Variants in CRLS1 observed in about 807,000 individuals in gnomAD.
CRLS1 encodes cardiolipin synthase (CMP-forming).
Under a neutral mutation model 37.0 loss-of-function variants are expected in CRLS1, and 24 were observed. The observed-to-expected ratio is 0.65, with a 90% confidence interval of 0.47 to 0.91. The LOEUF (loss-of-function observed/expected upper bound fraction) is 0.91, where lower values mean the gene tolerates loss of function less well. Ranked by LOEUF, CRLS1 falls within the 40% of genes least tolerant of loss-of-function variation. The pLI, the probability that CRLS1 is intolerant of heterozygous loss-of-function variation, is 0.00. For missense variants in CRLS1, 373 were observed against 395.8 expected (o/e 0.94, Z 0.49); for synonymous variants, 135 against 159.7 (o/e 0.85, Z 1.17).
intron 3 of CRLS1, 127 bp downstream of exon 3, chr20:6,015,617 C>G: frequency 1.1e-6 from 1 of 930,198 alleles, no homozygotes; most frequent in African/African-American, 1.6e-5. Flanking sequence ...AACTGTTTCC[C>G]TAATTTTAAA....
At chr20:6,019,983 TAA>T (rs139489915) in intron 3 of CRLS1, among the ~76,000 whole-genome samples, 2,358 of 152,224 alleles carry the variant, frequency 0.015, 60 homozygotes, top group African/African-American at 0.054. Flanking sequence ...TGCCTGGCTC[TAA>T]ATTCTTTAGA....
At chr20:6,009,415 A>G (rs1197487484) in intron 1 of CRLS1, among the ~76,000 whole-genome samples, 7 of 151,768 alleles carry the variant, frequency 4.6e-5, no homozygotes, top group African/African-American at 1.2e-4. Flanking sequence ...CATCTTTTGT[A>G]TTCTTTTTTT....
rs937662586 is a variant in CRLS1 at position 6,039,660 on chromosome 20, G to A, written c.*2502G>A. On this transcript the variant is annotated 3_prime_UTR_variant, in exon 7 of 7. Transcript: ENST00000378863. ...AGTACTGTACATGTGACCTTATTTG[G>A]AAATAGGGTCTTTTTAGATGCAGTC... is the stretch of plus-strand genomic sequence containing the variant. 1.3e-5 allele frequency: 2 copies of A among 151,750 alleles called. No individual in the cohort carries two copies. The highest frequency in any genetic ancestry group is 4.8e-5 in the African/African-American group (2 of 41,266). 9.4% of individuals were successfully genotyped at this position (151,750 alleles called of 1,614,324 possible).
chr20:6,011,844 C>T (rs1340502498), intron 2 of CRLS1, among the ~76,000 whole-genome samples: 1 of 151,688 alleles, frequency 6.6e-6, no homozygotes, highest in Non-Finnish European at 1.5e-5. Flanking sequence ...CCTCGGCCTC[C>T]CTCGGCCTGG....
At chr20:6,008,660 T>C (rs2090091974) in intron 1 of CRLS1, among the ~76,000 whole-genome samples, 1 of 152,246 alleles carries the variant, frequency 6.6e-6, no homozygotes, top group Non-Finnish European at 1.5e-5. Context: ...CAATCCCTAT[T>C]CCTATCTCCA....
chr20:6,035,323 A>T (rs1251242664), intron 6 of CRLS1, among the ~76,000 whole-genome samples: 3 of 152,036 alleles, frequency 2.0e-5, no homozygotes, highest in Non-Finnish European at 4.4e-5. Flanking sequence ...GTGTAGGTCC[A>T]TCAGTGGGAG....
At position 6,035,284 on chromosome 20, in the gene CRLS1, C is replaced by T. The variant is rs1600393532; in HGVS notation, c.821+729C>T. 3.3e-5 allele frequency among the ~76,000 whole-genome samples: 5 copies of T among 152,136 alleles called. No individual in the cohort carries two copies. The South Asian group carries it at 1.0e-3, about 32-fold the overall frequency. ...TACATTTATCCCAGTTCATCTTATA[C>T]CTTCTGATATAGGATGAAGGCTTTT... On this transcript the variant is annotated intron_variant, in intron 6 of 6. Transcript: ENST00000378863.
At chr20:6,015,987 G>T in intron 3 of CRLS1, 1 of 154,226 alleles carries the variant, frequency 6.5e-6, no homozygotes, top group Non-Finnish European at 1.4e-5. Flanking sequence ...TTTCTGATAA[G>T]ATTTCATGAT....
At chr20:6,013,921 G>A (rs1158738586) in intron 2 of CRLS1, among the ~76,000 whole-genome samples, 2 of 152,134 alleles carry the variant, frequency 1.3e-5, no homozygotes, top group Non-Finnish European at 2.9e-5. Flanking sequence ...ATCTAGTGTG[G>A]ATTAGAGGAA....
intron 3 of CRLS1, 152 bp from the exon 4 acceptor site, chr20:6,031,130 AGGG>A (rs1980131891): frequency 2.0e-6 from 1 of 493,550 alleles, no homozygotes; most frequent in Non-Finnish European, 3.5e-6. Flanking sequence ...AGTTTGCTAT[AGGG>A]GACCCTAAAC....
At chr20:6,010,260 A>G (rs988218610) in intron 2 of CRLS1, among the ~76,000 whole-genome samples, 8 of 152,130 alleles carry the variant, frequency 5.3e-5, no homozygotes, top group African/African-American at 1.4e-4. Context: ...TGACTTTTCT[A>G]TGTATTGTGG....
chr20:6,020,813 T>TA (rs11474337), intron 3 of CRLS1, among the ~76,000 whole-genome samples: 4 of 150,694 alleles, frequency 2.7e-5, no homozygotes, highest in Non-Finnish European at 5.9e-5. Flanking sequence ...TTTTTTTTTT[T>TA]AGTAGAGGCG....
intron 1 of CRLS1, among the ~76,000 whole-genome samples, chr20:6,008,131 AAAAG>A: frequency 7.0e-5 from 1 of 14,322 alleles, no homozygotes; most frequent in Non-Finnish European, 1.2e-4. Flanking sequence ...ATAGAATTTT[AAAAG>A]AATCTTCAGA....
intron 1 of CRLS1, chr20:6,007,552 C>G (rs751324090): frequency 1.2e-5 from 10 of 804,440 alleles, no homozygotes; most frequent in Non-Finnish European, 2.1e-5. Flanking sequence ...ACTGTTCCAG[C>G]AACATTGAGT....
intron 3 of CRLS1, among the ~76,000 whole-genome samples, chr20:6,020,253 T>C (rs1979147279): frequency 6.6e-6 from 1 of 152,224 alleles, no homozygotes; most frequent in Non-Finnish European, 1.5e-5. Flanking sequence ...AGATTGCATA[T>C]AAGACTGTAT....
At chr20:6,024,076 T>C (rs1469456296) in intron 3 of CRLS1, among the ~76,000 whole-genome samples, 1 of 152,048 alleles carries the variant, frequency 6.6e-6, no homozygotes, top group Non-Finnish European at 1.5e-5. Context: ...CCTGCGCTTC[T>C]TGAGTAGCTG....
chr20:6,009,874 G>T lies in CRLS1; in HGVS notation c.406G>T (p.Ala136Ser), dbSNP rs2090109725. ...GATTATTGAAGAAGATTTTAATATT[G>T]CACTAGGAGTTTTTGCTTTAGCTGG... ...YLIIEEDFNIALGVFALAGLT... is the reference protein window; with the variant it reads ...YLIIEEDFNISLGVFALAGLT... The change falls in exon 2 of 7, where the codon GCA becomes TCA. Residue 136 changes from alanine to serine, a missense_variant. Coordinates refer to ENST00000378863, the MANE Select transcript of CRLS1 (RefSeq NM_019095.6). 3.7e-6 allele frequency: 6 copies of T among 1,613,898 alleles called. No homozygotes were observed. Among genetic ancestry groups the T allele is most frequent in the Non-Finnish European group, 5.1e-6 (6 of 1,179,920 alleles).
At chr20:6,035,814 T>C (rs1426284180) in intron 6 of CRLS1, among the ~76,000 whole-genome samples, 1 of 151,430 alleles carries the variant, frequency 6.6e-6, no homozygotes, top group East Asian at 1.9e-4. Flanking sequence ...AATTAATTTA[T>C]TTATTTTTGA....
At chr20:6,013,861 T>G (rs1224844566) in intron 2 of CRLS1, among the ~76,000 whole-genome samples, 2 of 151,498 alleles carry the variant, frequency 1.3e-5, no homozygotes, top group African/African-American at 4.9e-5. Context: ...GAGAGTGGAG[T>G]GAAGGGGAGT....
Sources: gnomAD v4.1 joint callset for allele counts (sites outside exome capture counted in the v4.1 genomes callset) on GRCh38, gnomAD v4.1.1 for gene constraint, MANE v1.5 for transcripts, NCBI Gene and HGNC (gene_info 2026-07-23, HGNC 2026-07-21) for gene names.